The following MACROD2 variants were observed in gnomAD, a reference collection of about 807,000 sequenced individuals.
MACROD2 encodes the protein ADP-ribose glycohydrolase MACROD2.
Under a neutral mutation model 70.4 loss-of-function variants are expected in MACROD2, and 36 were observed. The observed-to-expected ratio is 0.51, with a 90% CI of 0.39 to 0.68. The LOEUF (loss-of-function observed/expected upper bound fraction) is 0.68, where lower values mean the gene tolerates loss of function less well. MACROD2 is among the 30% of genes least tolerant of loss of function. The pLI is 0.00. For synonymous variants in MACROD2, 172 were observed against 178.8 expected (o/e 0.96, Z 0.30); for missense variants, 496 against 538.4 (o/e 0.92, Z 0.78).
At chr20:15,037,947 C>CT (rs1462179978) in intron 5 of MACROD2, among the ~76,000 whole-genome samples, 1 of 112,290 alleles carries the variant, frequency 8.9e-6, no homozygotes, top group East Asian at 2.3e-4. Context: ...GATGTTCTCA[C>CT]TACAAAAAAA....
At chr20:15,137,308 C>G (rs1314795748) in intron 5 of MACROD2, among the ~76,000 whole-genome samples, 1 of 151,914 alleles carries the variant, frequency 6.6e-6, no homozygotes, top group African/African-American at 2.4e-5. Context: ...TGGAACCAAC[C>G]CAGATGTCCA....
intron 8 of MACROD2, among the ~76,000 whole-genome samples, chr20:15,734,571 C>G (rs2050992826): frequency 6.6e-6 from 1 of 152,170 alleles, no homozygotes; most frequent in Admixed American, 6.5e-5. Flanking sequence ...TGCGAGGTAT[C>G]CACCTAAGAC....
At chr20:14,163,770 G>A (rs1458535916) in intron 3 of MACROD2, among the ~76,000 whole-genome samples, 1 of 150,570 alleles carries the variant, frequency 6.6e-6, no homozygotes, top group African/African-American at 2.4e-5. Context: ...GTATTTCACT[G>A]GTTGAATTCT....
intron 8 of MACROD2, among the ~76,000 whole-genome samples, chr20:15,843,661 A>G (rs1009160226): frequency 2.0e-5 from 3 of 152,134 alleles, no homozygotes; most frequent in Non-Finnish European, 4.4e-5. Flanking sequence ...TTTTTTTGGC[A>G]TATGTGTAGA....
chr20:14,505,912 A>G (rs1221618091), intron 4 of MACROD2, among the ~76,000 whole-genome samples: 1 of 152,186 alleles, frequency 6.6e-6, no homozygotes, highest in Non-Finnish European at 1.5e-5. Context: ...TACTCTTAAC[A>G]TCTAAATAGA....
chr20:16,018,270 T>C (rs1284179777), intron 15 of MACROD2, among the ~76,000 whole-genome samples: 1 of 152,186 alleles, frequency 6.6e-6, no homozygotes, highest in Non-Finnish European at 1.5e-5. Context: ...GTTTAGGTAC[T>C]CATTTCAGAA....
chr20:15,641,735 C>T (rs949073472), intron 8 of MACROD2, among the ~76,000 whole-genome samples: 1 of 152,088 alleles, frequency 6.6e-6, no homozygotes, highest in Non-Finnish European at 1.5e-5. Flanking sequence ...CATCTGAAGA[C>T]AAGGAAGATA....
chr20:15,005,140 C>T (rs1182277211), intron 5 of MACROD2, among the ~76,000 whole-genome samples: 1 of 152,154 alleles, frequency 6.6e-6, no homozygotes, highest in Non-Finnish European at 1.5e-5. Flanking sequence ...AATATCGCCA[C>T]CTTCAAACAT....
intron 3 of MACROD2, among the ~76,000 whole-genome samples, chr20:14,398,901 TA>T (rs2083608017): frequency 6.6e-6 from 1 of 152,188 alleles, no homozygotes; most frequent in African/African-American, 2.4e-5. Flanking sequence ...TTCCTTTTTT[TA>T]AAATTAAACA....
chr20:15,734,770 T>C (rs186422229), intron 8 of MACROD2, among the ~76,000 whole-genome samples: 1 of 152,360 alleles, frequency 6.6e-6, no homozygotes, highest in East Asian at 1.9e-4. Context: ...CATTTGCCAA[T>C]GTTTTCTTTA....
intron 8 of MACROD2, among the ~76,000 whole-genome samples, chr20:15,674,314 G>A (rs183076918): frequency 1.3e-5 from 2 of 152,204 alleles, no homozygotes; most frequent in Non-Finnish European, 2.9e-5. Context: ...ACTGGAGAGG[G>A]GGCCCTGGAG....
At chr20:14,713,680 G>T (rs1157791804) in intron 5 of MACROD2, among the ~76,000 whole-genome samples, 1 of 152,132 alleles carries the variant, frequency 6.6e-6, no homozygotes, top group East Asian at 1.9e-4. Flanking sequence ...GAAAGGCACA[G>T]AAAAATATAC....
At chr20:15,697,666 A>G (rs772392190) in intron 8 of MACROD2, among the ~76,000 whole-genome samples, 44 of 152,172 alleles carry the variant, frequency 2.9e-4, no homozygotes, top group Non-Finnish European at 4.6e-4. Context: ...GAAGTCCCCC[A>G]CTATTATTGT....
intron 12 of MACROD2, among the ~76,000 whole-genome samples, chr20:15,966,311 G>A (rs184073715): frequency 3.3e-5 from 5 of 152,242 alleles, no homozygotes; most frequent in East Asian, 3.9e-4. Flanking sequence ...ATGGTCACAC[G>A]CTTACAAGAT....
At chr20:15,880,828 T>A (rs6034317) in intron 9 of MACROD2, among the ~76,000 whole-genome samples, 1 of 151,536 alleles carries the variant, frequency 6.6e-6, no homozygotes, top group East Asian at 2.0e-4. Flanking sequence ...GAACAAGGAG[T>A]TATAGGCAGG....
At chr20:14,610,038 A>G (rs572385751) in intron 4 of MACROD2, among the ~76,000 whole-genome samples, 1 of 152,302 alleles carries the variant, frequency 6.6e-6, no homozygotes, top group South Asian at 2.1e-4. Context: ...AATTTAAAGC[A>G]GCAATAAGCA....
At chr20:14,593,278 T>C in intron 4 of MACROD2, among the ~76,000 whole-genome samples, 1 of 152,218 alleles carries the variant, frequency 6.6e-6, no homozygotes, top group Admixed American at 6.5e-5. Flanking sequence ...CAGATGTTTT[T>C]AAGAGTACAG....
intron 3 of MACROD2, among the ~76,000 whole-genome samples, chr20:14,331,817 G>A (rs963527094): frequency 2.0e-5 from 3 of 151,852 alleles, no homozygotes; most frequent in Non-Finnish European, 4.4e-5. Context: ...ACATATTTGC[G>A]CACCTAGAAA....
chr20:14,031,922 T>A (rs184370644), intron 2 of MACROD2, among the ~76,000 whole-genome samples: 41 of 152,200 alleles, frequency 2.7e-4, no homozygotes, highest in Admixed American at 2.4e-3. Flanking sequence ...AATAATAATA[T>A]TGGGAATTGA....
Sources: gnomAD v4.1 joint callset for allele counts (sites outside exome capture counted in the v4.1 genomes callset) on GRCh38, gnomAD v4.1.1 for gene constraint, MANE v1.5 for transcripts, NCBI Gene and HGNC (gene_info 2026-07-23, HGNC 2026-07-21) for gene names.